ENPP3: variants seen among roughly 807,000 people sequenced by gnomAD.
ENPP3 encodes ectonucleotide pyrophosphatase/phosphodiesterase 3, also known as ectonucleotide pyrophosphatase/phosphodiesterase family member 3.
A neutral mutation model predicts 117.8 loss-of-function variants in ENPP3; 104 were observed. The ratio of observed to expected loss-of-function variants is 0.88; its 90% CI spans 0.75 to 1.04. The LOEUF is 1.04. Among genes scored for constraint, ENPP3 ranks in the 50% least tolerant of loss-of-function variants. The pLI, the probability that ENPP3 is intolerant of heterozygous loss-of-function variation, is 0.00. For missense variants in ENPP3, 1,026 were observed against 1,051.9 expected (o/e 0.98, Z 0.34); for synonymous variants, 380 against 349.9 (o/e 1.09, Z -0.96).
chr6:131,687,679 G>T lies in ENPP3; in HGVS notation c.1284+1772G>T, dbSNP rs540199559. Among the ~76,000 whole-genome samples, 14 of 152,240 alleles carry T rather than the reference G, an allele frequency of 9.2e-5. No individual in the cohort carries two copies. The South Asian group carries it at 2.9e-3, about 32-fold the overall frequency. ...AAAAAACAAATAACCCCATTAAAAA[G>T]TGAGCAAAACAAATGAACAGACACT... On this transcript the variant is annotated intron_variant, in intron 14 of 24. Transcript: ENST00000357639.
chr6:131,676,015 C>G (rs917222882), intron 9 of ENPP3, among the ~76,000 whole-genome samples: 1 of 152,124 alleles, frequency 6.6e-6, no homozygotes. Context: ...GCTACTCCCT[C>G]GGGTGCTCAC....
intron 15 of ENPP3, among the ~76,000 whole-genome samples, chr6:131,713,906 A>G (rs2114508085): frequency 6.7e-6 from 1 of 150,310 alleles, no homozygotes; most frequent in South Asian, 2.1e-4. Flanking sequence ...AGCTTCCTGA[A>G]GAGCTGGGAC....
In ENPP3 at chr6:131,726,105, G is replaced by C; in HGVS notation, c.1858G>C (p.Val620Leu). The change falls in exon 20 of 25, where the codon GTG becomes CTG. Residue 620 changes from valine (V) to leucine (L), a missense_variant. By Grantham distance (32) the Val-to-Leu change is conservative. Coordinates refer to ENST00000357639, the MANE Select transcript of ENPP3 (RefSeq NM_005021.5). ...FGRPRVLQKN[V>L]DHCLLYHREY... ...GAGGCCTAGGGTACTGCAGAAGAAC[G>C]TGGACCACTGTCTCCTTTACCACAG... The C allele has an allele frequency of 6.2e-7, 1 of 1,613,092 alleles. No homozygotes were observed. The highest frequency in any genetic ancestry group is 8.5e-7 in the Non-Finnish European group (1 of 1,179,086).
intron 6 of ENPP3, among the ~76,000 whole-genome samples, chr6:131,669,262 G>A (rs1230692339): frequency 2.6e-5 from 4 of 151,884 alleles, no homozygotes; most frequent in African/African-American, 7.3e-5. Context: ...TTACTTATTG[G>A]TGGTATTGAT....
intron 16 of ENPP3, 22 bp downstream of exon 16, chr6:131,718,760 T>TA (rs1391408827): frequency 6.7e-7 from 1 of 1,496,494 alleles, no homozygotes; most frequent in African/African-American, 1.4e-5. Context: ...CTTTTTTTTT[T>TA]AACTTTTATT....
chr6:131,735,956 G>A (rs1456729652), intron 21 of ENPP3, among the ~76,000 whole-genome samples: 1 of 152,202 alleles, frequency 6.6e-6, no homozygotes, highest in African/African-American at 2.4e-5. Flanking sequence ...ATTGTTAACA[G>A]AGTAGATTTC....
At chr6:131,639,136 ATGTG>A (rs1777987860) in intron 1 of ENPP3, among the ~76,000 whole-genome samples, 1 of 151,932 alleles carries the variant, frequency 6.6e-6, no homozygotes, top group Admixed American at 6.6e-5. Context: ...ATGTAAAACA[ATGTG>A]TGTAAGTATT....
intron 20 of ENPP3, among the ~76,000 whole-genome samples, chr6:131,727,405 A>C (rs1780176623): frequency 6.6e-6 from 1 of 151,944 alleles, no homozygotes; most frequent in Admixed American, 6.6e-5. Flanking sequence ...AAAACACAAA[A>C]TTAGGCAGGC....
chr6:131,718,135 C>A (rs1314796678), intron 15 of ENPP3, among the ~76,000 whole-genome samples: 1 of 152,194 alleles, frequency 6.6e-6, no homozygotes, highest in South Asian at 2.1e-4. Flanking sequence ...AATTAACTTG[C>A]CCTGCCTATT....
intron 15 of ENPP3, among the ~76,000 whole-genome samples, chr6:131,712,590 A>C (rs1779811664): frequency 7.7e-6 from 1 of 129,404 alleles, no homozygotes; most frequent in African/African-American, 4.2e-5. Flanking sequence ...GTATCCCAGC[A>C]GTTTCTTTCT....
intron 17 of ENPP3, among the ~76,000 whole-genome samples, chr6:131,720,590 T>C (rs1401580016): frequency 2.0e-5 from 3 of 152,112 alleles, no homozygotes; most frequent in African/African-American, 7.2e-5. Flanking sequence ...TAAACTTTAT[T>C]TTCATTTTTG....
chr6:131,704,474 C>CTTTTT (rs1192267696), intron 15 of ENPP3, among the ~76,000 whole-genome samples: 1 of 126,160 alleles, frequency 7.9e-6, no homozygotes, highest in Non-Finnish European at 1.7e-5. Context: ...TGAAAATTTT[C>CTTTTT]TTTTTTTTTT....
chr6:131,666,362 C>T (rs894102193), intron 6 of ENPP3, among the ~76,000 whole-genome samples: 6 of 151,982 alleles, frequency 3.9e-5, no homozygotes, highest in Admixed American at 2.0e-4. Context: ...TATTTAGAAT[C>T]CTTCAAGCTT....
intron 9 of ENPP3, among the ~76,000 whole-genome samples, chr6:131,675,653 C>A (rs1349133941): frequency 6.6e-6 from 1 of 152,004 alleles, no homozygotes; most frequent in Non-Finnish European, 1.5e-5. Context: ...CATGGTGAAA[C>A]CCTGTCTCTA....
At chr6:131,731,370 GTATC>G (rs2114554559) in intron 20 of ENPP3, among the ~76,000 whole-genome samples, 1 of 152,306 alleles carries the variant, frequency 6.6e-6, no homozygotes, top group South Asian at 2.1e-4. Flanking sequence ...CAAACTGACA[GTATC>G]TAGTTTCTTT....
intron 16 of ENPP3, among the ~76,000 whole-genome samples, 153 bp downstream of exon 16, chr6:131,718,891 T>A (rs1447153218): frequency 3.9e-5 from 6 of 152,194 alleles, no homozygotes; most frequent in Non-Finnish European, 8.8e-5. Flanking sequence ...ACTGCTTTTT[T>A]AAAACAGATA....
intron 12 of ENPP3, among the ~76,000 whole-genome samples, chr6:131,683,941 T>G (rs1244537094): frequency 6.6e-6 from 1 of 151,998 alleles, no homozygotes; most frequent in Non-Finnish European, 1.5e-5. Context: ...TTAGTAGCGA[T>G]GGGGTTTCAC....
At chr6:131,667,064 C>G (rs1037253535) in intron 6 of ENPP3, among the ~76,000 whole-genome samples, 1 of 152,166 alleles carries the variant, frequency 6.6e-6, no homozygotes, top group African/African-American at 2.4e-5. Context: ...CATTAGATGT[C>G]TTGTCCAATT....
chr6:131,699,751 C>CA (rs1171693326), intron 15 of ENPP3: 1 of 65,632 alleles, frequency 1.5e-5, no homozygotes, highest in East Asian at 4.6e-4. Context: ...ACAGTAGAGA[C>CA]AGGGTCCCTC....
Sources: gnomAD v4.1 joint callset for allele counts (sites outside exome capture counted in the v4.1 genomes callset) on GRCh38, gnomAD v4.1.1 for gene constraint, MANE v1.5 for transcripts, NCBI Gene and HGNC (gene_info 2026-07-23, HGNC 2026-07-21) for gene names.